Variants in HPSE2 observed in about 807,000 individuals in gnomAD.
The protein encoded by HPSE2 is inactive heparanase-2.
Under a neutral mutation model 60.5 loss-of-function variants are expected in HPSE2, and 38 were observed. That is an observed-to-expected ratio of 0.63 (90% CI 0.48 to 0.82). The LOEUF (loss-of-function observed/expected upper bound fraction) is 0.82, where lower values mean the gene tolerates loss of function less well. Ranked by LOEUF, HPSE2 falls within the 40% of genes least tolerant of loss-of-function variation. The pLI is 0.00. For missense variants in HPSE2, 713 were observed against 740.4 expected (o/e 0.96, Z 0.43); for synonymous variants, 295 against 293.2 (o/e 1.01, Z -0.06).
chr10:99,052,849 C>T (rs1307260718), intron 3 of HPSE2, among the ~76,000 whole-genome samples: 6 of 151,996 alleles, frequency 3.9e-5, no homozygotes, highest in Non-Finnish European at 4.4e-5. Context: ...ATAAAGACAT[C>T]TCCATATGAA....
intron 8 of HPSE2, among the ~76,000 whole-genome samples, chr10:98,617,921 T>C (rs1945960715): frequency 6.6e-6 from 1 of 152,216 alleles, no homozygotes; most frequent in Non-Finnish European, 1.5e-5. Flanking sequence ...CGTGCATGTA[T>C]ATGTCCTGGT....
intron 3 of HPSE2, among the ~76,000 whole-genome samples, chr10:99,111,664 T>C (rs969815877): frequency 1.3e-5 from 2 of 152,234 alleles, no homozygotes; most frequent in Admixed American, 1.3e-4. Flanking sequence ...AACCAGTTTG[T>C]TTATTTGAAA....
Position 98,634,316 on chromosome 10 carries a change from G to A in HPSE2, c.1098+7531C>T, listed in dbSNP as rs1019924812. Among the ~76,000 whole-genome samples, 9 of 152,300 alleles carry A rather than the reference G, an allele frequency of 5.9e-5. No homozygotes were observed. In the South Asian group the frequency reaches 1.7e-3, roughly 28 times the overall value. On this transcript the variant is annotated intron_variant, in intron 7 of 11. Transcript: ENST00000370552. ...GATAGGCACTGGGACATTGAAATAA[G>A]CAGTCAATATTGCCAAATGAATGAG...
intron 2 of HPSE2, among the ~76,000 whole-genome samples, chr10:99,210,977 T>A (rs1281977943): frequency 6.6e-6 from 1 of 152,144 alleles, no homozygotes. Flanking sequence ...GAAGTTAGAC[T>A]ATCCCTCTTT....
chr10:98,747,859 G>A (rs189493945), intron 3 of HPSE2, among the ~76,000 whole-genome samples: 25 of 152,160 alleles, frequency 1.6e-4, no homozygotes, highest in Non-Finnish European at 3.5e-4. Context: ...GTTTGGTACC[G>A]TATCTTATAT....
rs571109960 is a variant in HPSE2 at position 99,049,079 on chromosome 10, A to T, written c.610+95159T>A. 4.6e-5 allele frequency among the ~76,000 whole-genome samples: 7 copies of T among 152,292 alleles called. No homozygotes were observed. In the East Asian group the frequency reaches 1.4e-3, roughly 29 times the overall value. On this transcript the variant is annotated intron_variant, in intron 3 of 11. Transcript: ENST00000370552. ...AAAAATAAACACTGTAGACTACTAG[A>T]GGAGGGAAGAACGGAGAAGGGCTTG...
At chr10:99,007,273 T>G (rs144206051) in intron 3 of HPSE2, among the ~76,000 whole-genome samples, 1 of 152,094 alleles carries the variant, frequency 6.6e-6, no homozygotes, top group African/African-American at 2.4e-5. Flanking sequence ...TGAGGGCTTG[T>G]GTGGCACTGG....
chr10:98,728,648 A>C (rs1249980987), intron 4 of HPSE2, among the ~76,000 whole-genome samples: 1 of 152,124 alleles, frequency 6.6e-6, no homozygotes. Flanking sequence ...CCTAGAATTA[A>C]GTTAGTATTA....
intron 9 of HPSE2, among the ~76,000 whole-genome samples, chr10:98,511,768 T>C (rs1018797447): frequency 2.6e-5 from 4 of 152,158 alleles, no homozygotes; most frequent in Non-Finnish European, 5.9e-5. Context: ...CCTGAAGCTG[T>C]TGAGAATGAA....
chr10:99,188,002 T>C (rs1428696083), intron 2 of HPSE2, among the ~76,000 whole-genome samples: 2 of 152,172 alleles, frequency 1.3e-5, no homozygotes, highest in Admixed American at 6.5e-5. Context: ...AGGTGGTAAA[T>C]GGATAAGCAA....
the HPSE2 span, among the ~76,000 whole-genome samples, chr10:99,282,905 C>A: frequency 6.6e-6 from 1 of 152,148 alleles, no homozygotes; most frequent in South Asian, 2.1e-4. Context: ...AAAGAAGGGG[C>A]TGAGCGTGGT....
intron 9 of HPSE2, among the ~76,000 whole-genome samples, chr10:98,504,412 G>A (rs995338365): frequency 1.3e-5 from 2 of 151,864 alleles, no homozygotes; most frequent in Admixed American, 6.6e-5. Flanking sequence ...TATTATGTAT[G>A]TGTTTTCCAT....
At chr10:98,460,314 C>A (rs901098535) in intron 11 of HPSE2, among the ~76,000 whole-genome samples, 1 of 152,134 alleles carries the variant, frequency 6.6e-6, no homozygotes, top group Non-Finnish European at 1.5e-5. Flanking sequence ...TAGGTAACAC[C>A]TCTACTTTTT....
At chr10:99,180,950 G>C (rs973067949) in intron 2 of HPSE2, among the ~76,000 whole-genome samples, 3 of 146,018 alleles carry the variant, frequency 2.1e-5, no homozygotes, top group African/African-American at 5.0e-5. Context: ...GGAGAAATAG[G>C]AACACTTTTA....
intron 6 of HPSE2, among the ~76,000 whole-genome samples, chr10:98,661,165 T>C (rs1343160516): frequency 6.6e-6 from 1 of 152,190 alleles, no homozygotes; most frequent in Non-Finnish European, 1.5e-5. Flanking sequence ...GAGAGGCTGA[T>C]GAAGGTAATG....
chr10:99,100,352 C>T (rs1437784617), intron 3 of HPSE2, among the ~76,000 whole-genome samples: 1 of 152,082 alleles, frequency 6.6e-6, no homozygotes, highest in Non-Finnish European at 1.5e-5. Context: ...AATACATAAG[C>T]TTCAGTACCC....
intron 3 of HPSE2, among the ~76,000 whole-genome samples, chr10:98,869,433 A>G (rs1952675763): frequency 6.6e-6 from 1 of 152,122 alleles, no homozygotes; most frequent in Admixed American, 6.6e-5. Flanking sequence ...TACTACAACA[A>G]TGTTGTTATC....
chr10:98,720,514 T>C (rs117797124), intron 5 of HPSE2, among the ~76,000 whole-genome samples: 2,016 of 152,250 alleles, frequency 0.013, 9 homozygotes, highest in Non-Finnish European at 0.02. Context: ...TACTAATACA[T>C]TGCTGCCCTG....
At chr10:99,103,370 A>C (rs1844096786) in intron 3 of HPSE2, among the ~76,000 whole-genome samples, 1 of 152,108 alleles carries the variant, frequency 6.6e-6, no homozygotes, top group Admixed American at 6.6e-5. Context: ...TCATCAGTGA[A>C]CTCCCATTCA....
Sources: gnomAD v4.1 joint callset for allele counts (sites outside exome capture counted in the v4.1 genomes callset) on GRCh38, gnomAD v4.1.1 for gene constraint, MANE v1.5 for transcripts, NCBI Gene and HGNC (gene_info 2026-07-23, HGNC 2026-07-21) for gene names.